DLGAP1: variants seen among roughly 807,000 people sequenced by gnomAD.
DLGAP1 encodes the protein DLG associated protein 1, also known as disks large-associated protein 1.
Under a neutral mutation model 90.8 loss-of-function variants are expected in DLGAP1, and 11 were observed. That is an observed-to-expected ratio of 0.12 (90% confidence interval 0.08 to 0.20). The LOEUF is 0.20. Among genes scored for constraint, DLGAP1 ranks in the 10% least tolerant of loss-of-function variants. The pLI, the probability that DLGAP1 is intolerant of heterozygous loss-of-function variation, is 1.00. For missense variants in DLGAP1, 1,050 were observed against 1,333.8 expected (o/e 0.79, Z 3.31); for synonymous variants, 558 against 540.7 (o/e 1.03, Z -0.44).
intron 1 of DLGAP1, among the ~76,000 whole-genome samples, chr18:4,265,524 TTTCCTTCCTTCCTTCCCTCCCCTTCC>T (rs2079095668): frequency 8.7e-6 from 1 of 115,514 alleles, no homozygotes; most frequent in Admixed American, 9.2e-5. Flanking sequence ...TTTTTCTTTC[TTTCCTTCCTTCCTTCCCTCCCCTTCC>T]TTCCTTCCTT....
chr18:3,838,075 G>C (rs1482600288), intron 4 of DLGAP1, among the ~76,000 whole-genome samples: 1 of 152,108 alleles, frequency 6.6e-6, no homozygotes, highest in Non-Finnish European at 1.5e-5. Context: ...ATAGAAGGCA[G>C]AGACAATTTT....
intron 1 of DLGAP1, among the ~76,000 whole-genome samples, chr18:4,335,478 T>C (rs2081049943): frequency 1.3e-5 from 2 of 151,928 alleles, no homozygotes; most frequent in African/African-American, 4.9e-5. Flanking sequence ...TCATACTGCT[T>C]AAGTTTGTTT....
intron 5 of DLGAP1, among the ~76,000 whole-genome samples, chr18:3,799,471 G>T (rs2066180193): frequency 6.8e-6 from 1 of 147,744 alleles, no homozygotes; most frequent in African/African-American, 2.5e-5. Flanking sequence ...AGACCCTGTT[G>T]TACCATGTCA....
intron 3 of DLGAP1, among the ~76,000 whole-genome samples, chr18:3,921,291 TA>T (rs1568300747): frequency 6.6e-6 from 1 of 152,190 alleles, no homozygotes; most frequent in Non-Finnish European, 1.5e-5. Flanking sequence ...TAAAGTCCTG[TA>T]AGAGTTTATT....
chr18:4,423,428 A>G (rs2083084712), intron 1 of DLGAP1, among the ~76,000 whole-genome samples: 1 of 152,220 alleles, frequency 6.6e-6, no homozygotes, highest in South Asian at 2.1e-4. Context: ...CTCTTTGCCT[A>G]CTAAGTGCAC....
In DLGAP1 at chr18:3,813,049, A is replaced by G. The variant is rs146115237; in HGVS notation, c.1172+1010T>C. 1.4e-3 allele frequency among the ~76,000 whole-genome samples: 207 copies of G among 152,378 alleles called. 1 individual carries two copies. Among genetic ancestry groups the G allele is most frequent in the Non-Finnish European group, 2.6e-3 (175 of 68,034 alleles). ...AATTTACTCTCTATAAACAGCATTT[A>G]GAATGAAATCAGGTCTTGCTTAAAA... On this transcript the variant is annotated intron_variant, in intron 5 of 12. Transcript: ENST00000315677.
chr18:3,507,377 C>T (rs2050293156), intron 11 of DLGAP1, among the ~76,000 whole-genome samples: 1 of 129,572 alleles, frequency 7.7e-6, no homozygotes, highest in Non-Finnish European at 1.8e-5. Flanking sequence ...ATTAGCTGGG[C>T]ATGGTGGCAT....
intron 1 of DLGAP1, among the ~76,000 whole-genome samples, chr18:4,317,675 T>G (rs2080567247): frequency 6.6e-6 from 1 of 152,190 alleles, no homozygotes; most frequent in Admixed American, 6.5e-5. Flanking sequence ...ATCTCTTTTG[T>G]TTTCCTCTCG....
chr18:4,183,800 T>C (rs998269675), intron 1 of DLGAP1, among the ~76,000 whole-genome samples: 6 of 152,130 alleles, frequency 3.9e-5, no homozygotes, highest in Non-Finnish European at 4.4e-5. Context: ...AAATTAATTC[T>C]CCCTCTTGGT....
chr18:4,075,549 G>T (rs558943774), intron 2 of DLGAP1, among the ~76,000 whole-genome samples: 1 of 152,280 alleles, frequency 6.6e-6, no homozygotes, highest in Non-Finnish European at 1.5e-5. Flanking sequence ...CAATTAGTTT[G>T]ATTATTTAAG....
chr18:4,450,533 G>C (rs951876158), intron 1 of DLGAP1, among the ~76,000 whole-genome samples: 4 of 152,182 alleles, frequency 2.6e-5, no homozygotes, highest in South Asian at 2.1e-4. Context: ...TCCTAGTGCA[G>C]AGATTCAGAT....
At chr18:3,974,096 G>A (rs1218965749) in intron 3 of DLGAP1, among the ~76,000 whole-genome samples, 1 of 150,330 alleles carries the variant, frequency 6.7e-6, no homozygotes, top group East Asian at 2.0e-4. Flanking sequence ...TTTTTTTTGA[G>A]AAGGAGTCTC....
intron 4 of DLGAP1, among the ~76,000 whole-genome samples, chr18:3,860,510 G>A (rs887543165): frequency 2.0e-5 from 3 of 152,200 alleles, no homozygotes; most frequent in East Asian, 3.8e-4. Flanking sequence ...TTGTATAACT[G>A]CTAAAACACA....
intron 2 of DLGAP1, among the ~76,000 whole-genome samples, chr18:4,098,384 T>A (rs1372191177): frequency 6.6e-6 from 1 of 151,896 alleles, no homozygotes; most frequent in Non-Finnish European, 1.5e-5. Flanking sequence ...AGTCACTGAG[T>A]GATATAAAAA....
chr18:4,012,724 T>TA (rs1306279230), intron 2 of DLGAP1, among the ~76,000 whole-genome samples: 1 of 151,894 alleles, frequency 6.6e-6, no homozygotes, highest in Non-Finnish European at 1.5e-5. Context: ...TGTTCTTTTT[T>TA]TTTTTTTTTG....
chr18:3,827,235 A>G (rs1267799678), intron 4 of DLGAP1, among the ~76,000 whole-genome samples: 1 of 152,100 alleles, frequency 6.6e-6, no homozygotes, highest in Non-Finnish European at 1.5e-5. Context: ...GAGGTGACCT[A>G]AGGAGTGAGT....
intron 10 of DLGAP1, among the ~76,000 whole-genome samples, chr18:3,525,747 A>C (rs1269429037): frequency 6.6e-6 from 1 of 152,194 alleles, no homozygotes; most frequent in Non-Finnish European, 1.5e-5. Flanking sequence ...AGAAAATGAT[A>C]GGAGGTCTTG....
rs114965537 is a variant in DLGAP1, at chr18:4,170,221, T to C, written c.-266-18934A>G. ...ACAGGATTTGCTTTTTTATTGAACG[T>C]TGGGCATGAAAGAGGAGTAGAGGAA... On this transcript the variant is annotated intron_variant, in intron 1 of 12. Transcript: ENST00000315677. Among the ~76,000 whole-genome samples the C allele has an allele frequency of 2.9e-3, 438 of 152,246 alleles. 2 individuals carry two copies. The highest frequency in any genetic ancestry group is 9.4e-3 in the African/African-American group (389 of 41,550).
intron 1 of DLGAP1, among the ~76,000 whole-genome samples, chr18:4,260,195 G>A (rs892353317): frequency 1.3e-5 from 2 of 152,148 alleles, no homozygotes; most frequent in Non-Finnish European, 2.9e-5. Context: ...ATTGTTAAAT[G>A]GTAAACTGAG....
Sources: gnomAD v4.1 joint callset for allele counts (sites outside exome capture counted in the v4.1 genomes callset) on GRCh38, gnomAD v4.1.1 for gene constraint, MANE v1.5 for transcripts, NCBI Gene and HGNC (gene_info 2026-07-23, HGNC 2026-07-21) for gene names.